Variants in TMEM108 observed in about 807,000 individuals in gnomAD.
TMEM108 encodes the protein cancer/testis antigen 124.
Under a neutral mutation model 35.1 loss-of-function variants are expected in TMEM108, and 12 were observed. The ratio of observed to expected loss-of-function variants is 0.34; its 90% CI spans 0.22 to 0.55. The LOEUF is 0.55. Among genes scored for constraint, TMEM108 ranks in the 20% least tolerant of loss-of-function variants. The probability of loss-of-function intolerance (pLI) is 0.89; values close to 1 mark genes in which losing one functional copy is unlikely to be tolerated. For synonymous variants in TMEM108, 287 were observed against 308.6 expected, an observed-to-expected ratio of 0.93 and a Z score of 0.73; for missense variants, 680 against 753.3, an observed-to-expected ratio of 0.90 and a Z score of 1.14.
intron 2 of TMEM108, among the ~76,000 whole-genome samples, chr3:133,191,824 G>A (rs1945501970): frequency 6.6e-6 from 1 of 152,170 alleles, no homozygotes; most frequent in Non-Finnish European, 1.5e-5. Flanking sequence ...GCTATTACAA[G>A]TGCCTGCTGC....
Position 133,141,524 on chromosome 3 carries a change from G to A in TMEM108, c.-46-87742G>A, listed in dbSNP as rs78724858. ...AACCTCAGACGCTACCTGTCCATGG[G>A]ATGGGCTGTATTAATATTCAGATAA... On this transcript the variant is annotated intron_variant, in intron 2 of 5. Coordinates refer to ENST00000321871, the MANE Select transcript of TMEM108 (RefSeq NM_023943.4). Among the ~76,000 whole-genome samples the A allele has an allele frequency of 2.9e-3, 449 of 152,234 alleles. 3 individuals are homozygous for A. Among genetic ancestry groups the A allele is most frequent in the African/African-American group, 0.01 (430 of 41,526 alleles).
At chr3:133,142,452 A>G (rs914756455) in intron 2 of TMEM108, among the ~76,000 whole-genome samples, 12 of 152,282 alleles carry the variant, frequency 7.9e-5, no homozygotes, top group African/African-American at 2.9e-4. Flanking sequence ...AAGAGCAAGT[A>G]TGTTTGTCAA....
chr3:133,331,555 C>A (rs1038180903), intron 3 of TMEM108, among the ~76,000 whole-genome samples: 1 of 152,162 alleles, frequency 6.6e-6, no homozygotes, highest in South Asian at 2.1e-4. Context: ...AAAATATTGC[C>A]TTTCTTAGCC....
chr3:133,160,690 G>C (rs1944948972), intron 2 of TMEM108, among the ~76,000 whole-genome samples: 1 of 152,146 alleles, frequency 6.6e-6, no homozygotes, highest in Non-Finnish European at 1.5e-5. Context: ...TAACCTATCT[G>C]TGCCTTCAAA....
At chr3:133,073,532 A>ATATATATATATT (rs1324857078) in intron 2 of TMEM108, among the ~76,000 whole-genome samples, 62 of 134,402 alleles carry the variant, frequency 4.6e-4, no homozygotes, top group African/African-American at 1.7e-3. Context: ...ATATATATAT[A>ATATATATATATT]TATCACATTT....
At chr3:133,371,577 A>G (rs1357019822) in intron 3 of TMEM108, among the ~76,000 whole-genome samples, 1 of 140,918 alleles carries the variant, frequency 7.1e-6, no homozygotes, top group Non-Finnish European at 1.5e-5. Context: ...TGACCTTAGA[A>G]GTCAGGTAGC....
At chr3:133,066,401 CTTAAAA>C (rs2107685887) in intron 2 of TMEM108, among the ~76,000 whole-genome samples, 1 of 151,818 alleles carries the variant, frequency 6.6e-6, no homozygotes, top group African/African-American at 2.4e-5. Flanking sequence ...AAAATAATAA[CTTAAAA>C]TTTAAGAGTG....
chr3:133,193,456 G>A (rs1450048), intron 2 of TMEM108, among the ~76,000 whole-genome samples: 28,181 of 152,060 alleles, frequency 0.19, 3,451 homozygotes, highest in East Asian at 0.37. Context: ...GTAGGAAGAA[G>A]CATGGTTTGA....
chr3:133,140,652 C>A (rs1306320502), intron 2 of TMEM108, among the ~76,000 whole-genome samples: 1 of 152,052 alleles, frequency 6.6e-6, no homozygotes, highest in African/African-American at 2.4e-5. Context: ...AAATTAAGTA[C>A]CAAATTGGTT....
At chr3:133,371,611 CACAA>C (rs2072674171) in intron 3 of TMEM108, among the ~76,000 whole-genome samples, 1 of 30,398 alleles carries the variant, frequency 3.3e-5, no homozygotes, top group Non-Finnish European at 6.5e-5. Context: ...GTCACAAACC[CACAA>C]AAAAAAAAAA....
chr3:133,385,610 G>A (rs1027223514), intron 4 of TMEM108, among the ~76,000 whole-genome samples: 4 of 152,194 alleles, frequency 2.6e-5, no homozygotes, highest in Non-Finnish European at 4.4e-5. Flanking sequence ...TTCCCTCACT[G>A]GTCTCAGGTT....
At chr3:133,227,104 A>T (rs1262390758) in intron 2 of TMEM108, among the ~76,000 whole-genome samples, 1 of 151,682 alleles carries the variant, frequency 6.6e-6, no homozygotes, top group African/African-American at 2.4e-5. Flanking sequence ...ATTCAAGATG[A>T]GATTTGGGTG....
At chr3:133,313,030 A>G (rs1326832118) in intron 3 of TMEM108, among the ~76,000 whole-genome samples, 2 of 152,128 alleles carry the variant, frequency 1.3e-5, no homozygotes, top group Non-Finnish European at 2.9e-5. Flanking sequence ...GTGCTTTATA[A>G]CATATTTTCT....
chr3:133,296,763 G>GTGT (rs1947151516), intron 3 of TMEM108, among the ~76,000 whole-genome samples: 1 of 152,136 alleles, frequency 6.6e-6, no homozygotes, highest in Non-Finnish European at 1.5e-5. Flanking sequence ...AGGATTAGGA[G>GTGT]CACACATAGA....
intron 2 of TMEM108, among the ~76,000 whole-genome samples, chr3:133,176,734 A>T (rs61307819): frequency 0.012 from 1,827 of 152,250 alleles, 37 homozygotes; most frequent in African/African-American, 0.042. Context: ...TAAAATCGAC[A>T]CCAACATCAC....
chr3:133,295,881 A>T (rs1947138059), intron 3 of TMEM108, among the ~76,000 whole-genome samples: 1 of 152,214 alleles, frequency 6.6e-6, no homozygotes, highest in African/African-American at 2.4e-5. Context: ...GGTGGGGTAC[A>T]CAGTTCACCA....
chr3:133,061,274 C>T (rs892975213), intron 2 of TMEM108, among the ~76,000 whole-genome samples: 3 of 147,812 alleles, frequency 2.0e-5, no homozygotes, highest in Non-Finnish European at 4.5e-5. Context: ...TGCAGTGGCA[C>T]GATCTCTGCT....
chr3:133,126,226 G>A (rs1014662585), intron 2 of TMEM108, among the ~76,000 whole-genome samples: 2 of 152,026 alleles, frequency 1.3e-5, no homozygotes, highest in Non-Finnish European at 2.9e-5. Flanking sequence ...CAGCACTTTG[G>A]GAGGCTAAAG....
intron 2 of TMEM108, among the ~76,000 whole-genome samples, chr3:133,078,158 T>TGTGTGTGTGTGTGTGTGTGTGCGC (rs770304551): frequency 8.6e-6 from 1 of 116,772 alleles, no homozygotes; most frequent in African/African-American, 3.2e-5. Flanking sequence ...TGTGTGTGTG[T>TGTGTGTGTGTGTGTGTGTGTGCGC]GCACGCGCGC....
Sources: gnomAD v4.1 joint callset for allele counts (sites outside exome capture counted in the v4.1 genomes callset) on GRCh38, gnomAD v4.1.1 for gene constraint, MANE v1.5 for transcripts, NCBI Gene and HGNC (gene_info 2026-07-23, HGNC 2026-07-21) for gene names.